Variants in FAT3 observed in about 807,000 individuals in gnomAD.
The protein encoded by FAT3 is protocadherin Fat 3.
In FAT3, 95 loss-of-function variants were observed where a neutral mutation model predicts 310.2. The ratio of observed to expected loss-of-function variants is 0.31; its 90% CI spans 0.26 to 0.36. FAT3 has a LOEUF of 0.36. Among genes scored for constraint, FAT3 ranks in the 10% least tolerant of loss-of-function variants. FAT3 has a pLI of 1.00. For synonymous variants in FAT3, 2,314 were observed against 2,192.9 expected (o/e 1.06, Z -1.54); for missense variants, 5,408 against 5,715.6 (o/e 0.95, Z 1.74).
intron 4 of FAT3, among the ~76,000 whole-genome samples, chr11:92,711,174 T>A (rs1944508546): frequency 6.6e-6 from 1 of 152,224 alleles, no homozygotes; most frequent in South Asian, 2.1e-4. Context: ...TGTATATATG[T>A]ATACACATAT....
rs549669007 is a variant in FAT3 at position 92,818,228 on chromosome 11, A to T, written c.9481+8152A>T. On this transcript the variant is annotated intron_variant, in intron 13 of 27. Coordinates refer to ENST00000525166, the MANE Select transcript of FAT3 (RefSeq NM_001367949.2). Reference sequence around the variant, plus strand: ...GGAAAACAATATACATTCAGCATTTACTCTCTAAAACTCCAGTCTATAAGG... The same window carrying T: ...GGAAAACAATATACATTCAGCATTTTCTCTCTAAAACTCCAGTCTATAAGG... 9.2e-5 allele frequency among the ~76,000 whole-genome samples: 14 copies of T among 152,094 alleles called. No individual in the cohort carries two copies. The East Asian group carries it at 2.7e-3, about 29-fold the overall frequency.
intron 7 of FAT3, among the ~76,000 whole-genome samples, chr11:92,779,379 C>T (rs915880823): frequency 2.6e-5 from 4 of 152,156 alleles, no homozygotes; most frequent in Non-Finnish European, 5.9e-5. Flanking sequence ...GAGCCTAGGG[C>T]ATCTTTTCCT....
At chr11:92,682,003 A>C (rs566748291) in intron 3 of FAT3, among the ~76,000 whole-genome samples, 5 of 152,248 alleles carry the variant, frequency 3.3e-5, no homozygotes, top group Admixed American at 6.5e-5. Context: ...TTGTGGTTAC[A>C]TGGTGGAGTA....
At chr11:92,457,369 T>C (rs1951518301) in intron 2 of FAT3, among the ~76,000 whole-genome samples, 1 of 152,116 alleles carries the variant, frequency 6.6e-6, no homozygotes, top group African/African-American at 2.4e-5. Context: ...GTGGTGTGGC[T>C]TGGAACCTGT....
intron 3 of FAT3, among the ~76,000 whole-genome samples, chr11:92,615,391 C>T (rs767204318): frequency 3.7e-4 from 56 of 152,106 alleles, no homozygotes; most frequent in Non-Finnish European, 6.5e-4. Context: ...GGGTTACAGG[C>T]ACCCACCACC....
intron 4 of FAT3, among the ~76,000 whole-genome samples, chr11:92,744,123 T>C (rs1353646746): frequency 6.6e-6 from 1 of 152,196 alleles, no homozygotes; most frequent in Non-Finnish European, 1.5e-5. Flanking sequence ...TGATGAGATG[T>C]TGGGAGGAAC....
intron 2 of FAT3, among the ~76,000 whole-genome samples, chr11:92,421,600 C>G (rs957504080): frequency 3.3e-5 from 5 of 152,194 alleles, no homozygotes; most frequent in South Asian, 2.1e-4. Context: ...ATTTTTGTCT[C>G]TAAGCAGACT....
intron 3 of FAT3, among the ~76,000 whole-genome samples, chr11:92,632,710 C>T (rs139213993): frequency 2.2e-4 from 34 of 152,280 alleles, no homozygotes; most frequent in Non-Finnish European, 4.1e-4. Flanking sequence ...AGGGAAGTTC[C>T]GTGTGCTGCA....
intron 2 of FAT3, among the ~76,000 whole-genome samples, chr11:92,388,398 G>A (rs979408224): frequency 2.6e-5 from 4 of 152,100 alleles, no homozygotes; most frequent in East Asian, 1.9e-4. Flanking sequence ...TTCCTCATTT[G>A]TTTGATAGTG....
Position 92,801,550 on chromosome 11 carries a change from A to G in FAT3, c.8537A>G (p.Asn2846Ser). The G allele has an allele frequency of 6.2e-7, 1 of 1,608,204 alleles. No individual in the cohort carries two copies. Among genetic ancestry groups the G allele is most frequent in the Non-Finnish European group, 8.5e-7 (1 of 1,177,056 alleles). ...GCTATTGATATGGACTGGGGAGCCAATGGACAAGTCACTTACTCCCTCCAC... is the reference window on the plus strand; with the variant it reads ...GCTATTGATATGGACTGGGGAGCCAGTGGACAAGTCACTTACTCCCTCCAC... The part of the protein sequence containing the change: ...VRAIDMDWGA[N>S]GQVTYSLHSD... The change falls in exon 10 of 28, where the codon AAT becomes AGT. Residue 2846 changes from asparagine to serine, a missense_variant. Transcript: ENST00000525166.
chr11:92,550,355 T>C (rs1954767315), intron 3 of FAT3, among the ~76,000 whole-genome samples: 1 of 152,172 alleles, frequency 6.6e-6, no homozygotes, highest in Non-Finnish European at 1.5e-5. Flanking sequence ...GTTCAGTGAT[T>C]AGAGTGGATA....
intron 2 of FAT3, among the ~76,000 whole-genome samples, chr11:92,516,000 C>G (rs2135328404): frequency 6.6e-6 from 1 of 152,106 alleles, no homozygotes; most frequent in Non-Finnish European, 1.5e-5. Context: ...TAATTAATAG[C>G]CTACCAACCC....
At chr11:92,720,510 T>C (rs1315819074) in intron 4 of FAT3, among the ~76,000 whole-genome samples, 3 of 152,218 alleles carry the variant, frequency 2.0e-5, no homozygotes, top group East Asian at 3.8e-4. Context: ...CAGTTGGAGA[T>C]GTGCTTTCAT....
At chr11:92,428,071 A>C (rs2135011064) in intron 2 of FAT3, among the ~76,000 whole-genome samples, 1 of 151,898 alleles carries the variant, frequency 6.6e-6, no homozygotes, top group East Asian at 1.9e-4. Context: ...TTGTCTGTTC[A>C]GGGATTTGAC....
chr11:92,470,711 T>G (rs902646866), intron 2 of FAT3, among the ~76,000 whole-genome samples: 5 of 152,188 alleles, frequency 3.3e-5, no homozygotes, highest in Non-Finnish European at 7.3e-5. Flanking sequence ...GAAACCCAAG[T>G]CCTGCACACA....
chr11:92,780,163 C>CT (rs34340740), intron 7 of FAT3, among the ~76,000 whole-genome samples: 112,451 of 134,712 alleles, frequency 0.83, 47,030 homozygotes, highest in East Asian at 0.93. Flanking sequence ...TTTTTTTTTT[C>CT]TTTTTTTTTT....
intron 2 of FAT3, among the ~76,000 whole-genome samples, chr11:92,466,682 T>G (rs1174158206): frequency 6.6e-6 from 1 of 150,694 alleles, no homozygotes; most frequent in African/African-American, 2.4e-5. Context: ...GCTGCACCCA[T>G]TAACTCGTCA....
intron 3 of FAT3, among the ~76,000 whole-genome samples, chr11:92,615,043 G>T (rs1388102716): frequency 6.6e-6 from 1 of 152,102 alleles, no homozygotes; most frequent in Non-Finnish European, 1.5e-5. Context: ...TATTTCTAAA[G>T]TCTGTCTCAT....
chr11:92,848,896 C>T (rs898864781), intron 19 of FAT3, among the ~76,000 whole-genome samples: 8 of 152,102 alleles, frequency 5.3e-5, no homozygotes, highest in Admixed American at 5.2e-4. Flanking sequence ...TCTAGGTGAC[C>T]AGGATAGGGG....
Sources: gnomAD v4.1 joint callset for allele counts (sites outside exome capture counted in the v4.1 genomes callset) on GRCh38, gnomAD v4.1.1 for gene constraint, MANE v1.5 for transcripts, NCBI Gene and HGNC (gene_info 2026-07-23, HGNC 2026-07-21) for gene names.